The following KCNQ3 variants were observed in gnomAD, a reference collection of about 807,000 sequenced individuals.
KCNQ3 encodes potassium voltage-gated channel subfamily Q member 3, also known as potassium voltage-gated channel subfamily KQT member 3.
Under a neutral mutation model 92.5 loss-of-function variants are expected in KCNQ3, and 30 were observed. The ratio of observed to expected loss-of-function variants is 0.32; its 90% confidence interval spans 0.24 to 0.44. KCNQ3 has a LOEUF of 0.44. Among genes scored for constraint, KCNQ3 ranks in the 20% least tolerant of loss-of-function variants. The probability of loss-of-function intolerance (pLI) is 1.00; values close to 1 mark genes in which losing one functional copy is unlikely to be tolerated. For synonymous variants in KCNQ3, 450 were observed against 468.8 expected (o/e 0.96, Z 0.52); for missense variants, 913 against 1,140.3 (o/e 0.80, Z 2.87).
intron 1 of KCNQ3, among the ~76,000 whole-genome samples, chr8:132,384,753 A>C (rs1819848064): frequency 6.6e-6 from 1 of 152,256 alleles, no homozygotes; most frequent in South Asian, 2.1e-4. Context: ...TATTAAAGTC[A>C]CACAGTTTAG....
chr8:132,426,597 C>T (rs1485501567), intron 1 of KCNQ3, among the ~76,000 whole-genome samples: 1 of 152,200 alleles, frequency 6.6e-6, no homozygotes, highest in Non-Finnish European at 1.5e-5. Context: ...CAGCCAATCC[C>T]ATATCCCATA....
At chr8:132,303,238 C>T (rs1489467861) in intron 1 of KCNQ3, among the ~76,000 whole-genome samples, 5 of 152,122 alleles carry the variant, frequency 3.3e-5, no homozygotes, top group South Asian at 2.1e-4. Flanking sequence ...CCCATTAAAA[C>T]GATGATAAAG....
At chr8:132,212,599 C>G (rs1333342377) in intron 1 of KCNQ3, among the ~76,000 whole-genome samples, 1 of 151,856 alleles carries the variant, frequency 6.6e-6, no homozygotes, top group Admixed American at 6.6e-5. Context: ...AAAGGCTCAT[C>G]AGGTCCATGT....
At chr8:132,439,844 T>C (rs1381705740) in intron 1 of KCNQ3, among the ~76,000 whole-genome samples, 1 of 152,166 alleles carries the variant, frequency 6.6e-6, no homozygotes, top group Non-Finnish European at 1.5e-5. Context: ...ACATGTAAAA[T>C]AACAAATTTA....
intron 1 of KCNQ3, among the ~76,000 whole-genome samples, chr8:132,218,013 C>T (rs914757727): frequency 2.0e-5 from 3 of 152,102 alleles, no homozygotes; most frequent in Non-Finnish European, 4.4e-5. Flanking sequence ...GCCAAGTGTG[C>T]GGTTGTGGGT....
intron 1 of KCNQ3, among the ~76,000 whole-genome samples, chr8:132,337,829 G>C (rs897402206): frequency 6.6e-6 from 1 of 152,188 alleles, no homozygotes. Flanking sequence ...ACCTTTTGTG[G>C]GTTGATTCGG....
At chr8:132,295,051 C>G (rs1816974189) in intron 1 of KCNQ3, among the ~76,000 whole-genome samples, 2 of 152,190 alleles carry the variant, frequency 1.3e-5, no homozygotes, top group Non-Finnish European at 2.9e-5. Flanking sequence ...GGGATCTAAA[C>G]TAAAGAGCTT....
At chr8:132,432,993 A>G (rs1821292480) in intron 1 of KCNQ3, among the ~76,000 whole-genome samples, 1 of 152,206 alleles carries the variant, frequency 6.6e-6, no homozygotes, top group African/African-American at 2.4e-5. Context: ...AAAATCACAA[A>G]TGGTCTTTCC....
In KCNQ3 at chr8:132,174,294, C is replaced by G; in HGVS notation, c.989G>C (p.Arg330Pro). 1 of 1,552,284 alleles carries G rather than the reference C, an allele frequency of 6.4e-7. No homozygotes were observed. The highest frequency in any genetic ancestry group is 8.7e-7 in the Non-Finnish European group (1 of 1,147,324). Residue 330 changes from arginine (R) to proline (P), a missense_variant, in exon 6 of 15, where the codon CGT (arginine) becomes CCT (proline). Around this residue, in one of 6 missense-constraint regions of KCNQ3, gnomAD observed 52 missense variants for 127.7 expected, o/e 0.41. Transcript: ENST00000388996. ...TAAGGAAAAGGTGGCGGCAATCAGA[C>G]GGCCTTCCCACGTTTTGGGTGTCTT... ...GDKTPKTWEG[R>P]LIAATFSLIG...
chr8:132,191,896 G>A (rs1299721124), intron 1 of KCNQ3, among the ~76,000 whole-genome samples: 1 of 152,032 alleles, frequency 6.6e-6, no homozygotes, highest in East Asian at 1.9e-4. Flanking sequence ...GGAAGAAAGT[G>A]GATAATGTGC....
In KCNQ3 at chr8:132,209,574, T is replaced by C. The variant is rs530351075; in HGVS notation, c.387-23393A>G. Among the ~76,000 whole-genome samples the C allele has an allele frequency of 3.3e-5, 5 of 151,838 alleles. No homozygotes were observed. In the East Asian group the frequency reaches 9.7e-4, roughly 29 times the overall value. On this transcript the variant is annotated intron_variant, in intron 1 of 14. Coordinates refer to ENST00000388996, the MANE Select transcript of KCNQ3 (RefSeq NM_004519.4). ...ACACACACACACACACACGTATTGA[T>C]GGTCCCCTACTTACAATAGTTTGAC...
chr8:132,206,031 G>C (rs917210509), intron 1 of KCNQ3, among the ~76,000 whole-genome samples: 1 of 152,128 alleles, frequency 6.6e-6, no homozygotes, highest in Non-Finnish European at 1.5e-5. Context: ...GGCTCCCCTC[G>C]ACCTCTCACA....
intron 1 of KCNQ3, among the ~76,000 whole-genome samples, chr8:132,310,877 G>C (rs1817573975): frequency 6.6e-6 from 1 of 152,038 alleles, no homozygotes; most frequent in Admixed American, 6.6e-5. Context: ...AAATACTGGT[G>C]ACCACTGGGA....
At chr8:132,143,834 G>GTTA (rs1159652883) in intron 9 of KCNQ3, among the ~76,000 whole-genome samples, 1 of 151,904 alleles carries the variant, frequency 6.6e-6, no homozygotes, top group Non-Finnish European at 1.5e-5. Context: ...GGTTGTTGTT[G>GTTA]TTTAAATGAA....
intron 1 of KCNQ3, among the ~76,000 whole-genome samples, chr8:132,244,463 A>G (rs1412886043): frequency 6.6e-6 from 1 of 152,160 alleles, no homozygotes; most frequent in Non-Finnish European, 1.5e-5. Context: ...GGCAACTAGT[A>G]GATGATAGAG....
intron 1 of KCNQ3, among the ~76,000 whole-genome samples, chr8:132,444,112 C>T (rs1160675140): frequency 2.0e-5 from 3 of 152,144 alleles, no homozygotes; most frequent in Non-Finnish European, 2.9e-5. Context: ...GGGTCCACCT[C>T]TGGCAATACA....
Position 132,180,311 on chromosome 8 carries a change from G to T in KCNQ3, c.623C>A (p.Ala208Asp). The stretch of plus-strand genomic sequence containing the variant: ...TCCCACAGCAACCACTGGCACAGAG[G>T]CAATCAGCACAAAGATGTCTGGGAG... ...LCMLDIFVLI[A>D]SVPVVAVGNQ... The change falls in exon 4 of 15, where the codon GCC (alanine) becomes GAC (aspartate). Residue 208 changes from alanine to aspartate, a missense_variant. By Grantham distance (126) the Ala-to-Asp change is moderately radical. This residue lies in a region of KCNQ3 where 100 missense variants were observed against 217.6 expected (regional missense o/e 0.46). Coordinates refer to ENST00000388996, the MANE Select transcript of KCNQ3 (RefSeq NM_004519.4). The T allele has an allele frequency of 6.2e-7, 1 of 1,614,116 alleles. No homozygotes were observed. Among genetic ancestry groups the T allele is most frequent in the Non-Finnish European group, 8.5e-7 (1 of 1,180,042 alleles).
intron 1 of KCNQ3, among the ~76,000 whole-genome samples, chr8:132,377,429 G>A (rs1483297011): frequency 2.0e-5 from 3 of 152,186 alleles, no homozygotes; most frequent in Non-Finnish European, 4.4e-5. Context: ...TCTTGGTCCT[G>A]TCTCTCCCTG....
chr8:132,155,820 T>C (rs1302560925), intron 9 of KCNQ3, among the ~76,000 whole-genome samples: 1 of 152,134 alleles, frequency 6.6e-6, no homozygotes, highest in African/African-American at 2.4e-5. Context: ...GACTGGCTAC[T>C]CTGGGGAAGG....
Sources: gnomAD v4.1 joint callset for allele counts (sites outside exome capture counted in the v4.1 genomes callset) on GRCh38, gnomAD v4.1.1 for gene constraint, gnomAD v4.1.1 regional missense constraint, MANE v1.5 for transcripts, NCBI Gene and HGNC (gene_info 2026-07-23, HGNC 2026-07-21) for gene names.